Variants in CYP4A22 observed in about 807,000 individuals in gnomAD.
CYP4A22 encodes the protein cytochrome P450 family 4 subfamily A member 22.
In CYP4A22, 46 loss-of-function variants were observed where a neutral mutation model predicts 56.2. The observed-to-expected ratio is 0.82, with a 90% CI of 0.65 to 1.05. The LOEUF is 1.05. Among genes scored for constraint, CYP4A22 ranks in the 50% least tolerant of loss-of-function variants. The pLI is 0.00. For missense variants in CYP4A22, 541 were observed against 645.9 expected (o/e 0.84, Z 1.76); for synonymous variants, 193 against 251.1 (o/e 0.77, Z 2.19).
In CYP4A22 at chr1:47,142,185, A is replaced by G; in HGVS notation, c.460A>G (p.Ile154Val). 6.2e-7 allele frequency: 1 copy of G among 1,613,832 alleles called. No individual in the cohort carries two copies. Among genetic ancestry groups the G allele is most frequent in the Non-Finnish European group, 8.5e-7 (1 of 1,179,868 alleles). ...RMLTPAFHND[I>V]LKPYVGLMAD... ...GCTGACCCCAGCCTTCCACAATGAC[A>G]TCCTGAAGCCATACGTGGGGCTCAT... Residue 154 changes from isoleucine to valine, a missense_variant, in exon 4 of 12, where the codon ATC (isoleucine) becomes GTC (valine). Ile to Val is a conservative substitution (Grantham distance 29). This residue lies in a region of CYP4A22 where 335 missense variants were observed against 361.2 expected (regional missense o/e 0.93). Coordinates refer to ENST00000371891, the MANE Select transcript of CYP4A22 (RefSeq NM_001010969.4).
chr1:47,148,850 G>A lies in CYP4A22; in HGVS notation c.*53G>A, dbSNP rs1485715925. ...TGACCCCCACTCCTATCTCCTGCCT[G>A]TCTGCCTCTGTCCTGCTTTCTGTCT... On this transcript the variant is annotated 3_prime_UTR_variant, in exon 12 of 12. Transcript: ENST00000371891. 3.2e-6 allele frequency: 5 copies of A among 1,544,536 alleles called. No individual in the cohort carries two copies. The highest frequency in any genetic ancestry group is 4.4e-6 in the Non-Finnish European group (5 of 1,144,498).
At chr1:47,148,013 G>C (rs1021665622) in intron 11 of CYP4A22, among the ~76,000 whole-genome samples, 1 of 152,150 alleles carries the variant, frequency 6.6e-6, no homozygotes, top group Non-Finnish European at 1.5e-5. Flanking sequence ...GAGGAGTGAG[G>C]TTAGACAGGA....
rs1645108369 is a variant in CYP4A22, at chr1:47,149,417, T to C, written c.*620T>C. The C allele has an allele frequency of 1.3e-5, 2 of 152,848 alleles. No homozygotes were observed. The allele number at this position is 152,848 out of a possible 1,614,324, so 9.5% of individuals were successfully genotyped here. A position where few individuals can be genotyped will look rare whatever the true frequency, so the allele number is the denominator to read the frequency against. Reference sequence around the variant, plus strand: ...CATTCTCACCACCTGTTTCTTTGTTTGATCACCAATAAATAATCTGCACTT... The same window carrying C: ...CATTCTCACCACCTGTTTCTTTGTTCGATCACCAATAAATAATCTGCACTT... On this transcript the variant is annotated 3_prime_UTR_variant, in exon 12 of 12. Transcript: ENST00000371891.
chr1:47,138,061 C>T (rs1177250459), intron 1 of CYP4A22, among the ~76,000 whole-genome samples: 1 of 152,152 alleles, frequency 6.6e-6, no homozygotes, highest in Non-Finnish European at 1.5e-5. Flanking sequence ...CTGCCTGGCC[C>T]TGCATTTGCC....
intron 11 of CYP4A22, 27 bp from the exon 12 acceptor site, chr1:47,148,575 T>C (rs1376049204): frequency 2.5e-6 from 4 of 1,586,650 alleles, no homozygotes; most frequent in Non-Finnish European, 3.4e-6. Flanking sequence ...AGGACACGTC[T>C]CAATTCATTG....
At chr1:47,148,540 C>T in intron 11 of CYP4A22, 62 bp from the exon 12 acceptor site, 1 of 1,534,388 alleles carries the variant, frequency 6.5e-7, no homozygotes, top group Non-Finnish European at 8.8e-7. Context: ...GGGGCCAAAA[C>T]CTGCTCAGAT....
Position 47,149,186 on chromosome 1 carries a change from C to T in CYP4A22, c.*389C>T, listed in dbSNP as rs531992184. The T allele has an allele frequency of 2.4e-5, 4 of 167,452 alleles. No homozygotes were observed. The highest frequency in any genetic ancestry group is 3.5e-4 in the East Asian group (2 of 5,692). The allele number at this position is 167,452 out of a possible 1,614,324, so 10.4% of individuals were successfully genotyped here. ...CATAATCTAAGCCCGGGGCATAAAA[C>T]CCCTCGTGGCTTGGATAGAATCCAG... On this transcript the variant is annotated 3_prime_UTR_variant, in exon 12 of 12. Coordinates refer to ENST00000371891, the MANE Select transcript of CYP4A22 (RefSeq NM_001010969.4).
chr1:47,144,869 T>C lies in CYP4A22; in HGVS notation c.1121T>C (p.Met374Thr), dbSNP rs750042028. The C allele has an allele frequency of 1.9e-6, 3 of 1,613,992 alleles. No homozygotes were observed. In the East Asian group the frequency reaches 6.7e-5, roughly 36 times the overall value. ...NHLDQMPYTTMCIKEALRLYP... is the reference protein window; with the variant it reads ...NHLDQMPYTTTCIKEALRLYP... ...CTGGACCAGATGCCCTACACCACCA[T>C]GTGCATTAAGGAGGCACTGAGGCTC... The change falls in exon 9 of 12, where the codon ATG (methionine) becomes ACG (threonine). Residue 374 changes from methionine (M) to threonine (T), a missense_variant. Physicochemically the swap from Met to Thr is moderately conservative, Grantham distance 81 (BLOSUM62 -1). Transcript: ENST00000371891.
At chr1:47,143,673 T>C in intron 5 of CYP4A22, 89 bp from the exon 6 acceptor site, 1 of 1,497,734 alleles carries the variant, frequency 6.7e-7, no homozygotes, top group Non-Finnish European at 8.9e-7. Context: ...TTGTCCCCAT[T>C]ATCCGAGGCT....
chr1:47,147,304 T>C, intron 11 of CYP4A22: 1 of 985,476 alleles, frequency 1.0e-6, no homozygotes, highest in Non-Finnish European at 1.2e-6. Flanking sequence ...CTAAGCTCCA[T>C]TTCTAGCTCA....
Position 47,146,118 on chromosome 1 carries a change from C to G in CYP4A22, c.1329C>G (p.His443Gln), listed in dbSNP as rs147763791. 2.4e-5 allele frequency: 38 copies of G among 1,614,106 alleles called. No individual in the cohort carries two copies. The highest frequency in any genetic ancestry group is 4.2e-6 in the Non-Finnish European group (5 of 1,180,054). The change falls in exon 11 of 12, where the codon CAC becomes CAG. Residue 443 changes from histidine to glutamine, a missense_variant. Around this residue, in one of 3 missense-constraint regions of CYP4A22, gnomAD observed 204 missense variants for 258.9 expected, o/e 0.79. Coordinates refer to ENST00000371891, the MANE Select transcript of CYP4A22 (RefSeq NM_001010969.4). Reference protein sequence around the residue: ...PSRFAPGSAQHSHAFLPFSGG... With the variant: ...PSRFAPGSAQQSHAFLPFSGG... ...GTTTTGCACCGGGTTCTGCTCAACA[C>G]AGCCACGCTTTCCTGCCCTTCTCAG...
intron 3 of CYP4A22, 74 bp from the exon 4 acceptor site, chr1:47,142,033 CA>C (rs1209565252): frequency 6.5e-7 from 1 of 1,530,796 alleles, no homozygotes; most frequent in Non-Finnish European, 8.8e-7. Context: ...TTCTCCCTCC[CA>C]AATTGTCACC....
At chr1:47,140,481 C>T (rs558162428) in intron 1 of CYP4A22, among the ~76,000 whole-genome samples, 4 of 152,248 alleles carry the variant, frequency 2.6e-5, no homozygotes, top group East Asian at 1.9e-4. Flanking sequence ...TCAAGTAATA[C>T]GAGTTATGCA....
chr1:47,138,197 T>A (rs1183799511), intron 1 of CYP4A22, among the ~76,000 whole-genome samples: 1 of 152,152 alleles, frequency 6.6e-6, no homozygotes, highest in Non-Finnish European at 1.5e-5. Context: ...GGGGTGGATA[T>A]CTGAGGCAGA....
Position 47,140,890 on chromosome 1 carries a change from T to C in CYP4A22, c.306T>C (p.Pro102=). 6.2e-7 allele frequency: 1 copy of C among 1,614,144 alleles called. No individual in the cohort carries two copies. The highest frequency in any genetic ancestry group is 8.5e-7 in the Non-Finnish European group (1 of 1,180,010). Residue 102 remains proline (P), a synonymous_variant, in exon 2 of 12, where the codon CCT becomes CCC. Coordinates refer to ENST00000371891, the MANE Select transcript of CYP4A22 (RefSeq NM_001010969.4). ...AAGTTCGTGTCCAGCTCTATGACCC[T>C]GACTATATGAAGGTGATTCTGGGGA... ...GGKVRVQLYD[P]DYMKVILGRS...
chr1:47,142,358 G>T, intron 4 of CYP4A22, 123 bp downstream of exon 4: 2 of 1,403,312 alleles, frequency 1.4e-6, no homozygotes, highest in Non-Finnish European at 9.4e-7. Context: ...ACACTCTCAG[G>T]TCATTGCTGT....
chr1:47,137,844 G>A (rs1644961437), intron 1 of CYP4A22, among the ~76,000 whole-genome samples, 164 bp downstream of exon 1: 1 of 152,200 alleles, frequency 6.6e-6, no homozygotes, highest in East Asian at 1.9e-4. Flanking sequence ...GTCATGAGGA[G>A]CTCACTCCTC....
At position 47,148,761 on chromosome 1, in the gene CYP4A22, G is replaced by T; in HGVS notation, c.1524G>T (p.Arg508Ser). ...ATGGAATCCACCTGCGTCTCAGGAGGCTCCCTAACCCTTGTGAAGACAAGG... is the reference window on the plus strand; with the variant it reads ...ATGGAATCCACCTGCGTCTCAGGAGTCTCCCTAACCCTTGTGAAGACAAGG... ...SKNGIHLRLR[R>S]LPNPCEDKDQ... The change falls in exon 12 of 12, where the codon AGG (arginine) becomes AGT (serine). Residue 508 changes from arginine (R) to serine (S), a missense_variant. Arg to Ser is a moderately radical substitution (Grantham distance 110). Around this residue, in one of 3 missense-constraint regions of CYP4A22, gnomAD observed 204 missense variants for 258.9 expected, o/e 0.79. Transcript: ENST00000371891. The T allele has an allele frequency of 6.2e-7, 1 of 1,612,988 alleles. No homozygotes were observed. Among genetic ancestry groups the T allele is most frequent in the Non-Finnish European group, 8.5e-7 (1 of 1,179,386 alleles).
Position 47,143,904 on chromosome 1 carries a change from C to T in CYP4A22, c.778C>T (p.His260Tyr). 2.5e-6 allele frequency: 4 copies of T among 1,611,540 alleles called. No homozygotes were observed. In the South Asian group the frequency reaches 4.4e-5, roughly 18 times the overall value. ...RWTHRACQLA[H>Y]QHTDQVIQLR... Reference sequence around the variant, plus strand: ...GACACACCGCGCCTGCCAGCTGGCCCATCAGCACACAGGTTCTGTCTCTTC... The same window carrying T: ...GACACACCGCGCCTGCCAGCTGGCCTATCAGCACACAGGTTCTGTCTCTTC... The change falls in exon 6 of 12, where the codon CAT (histidine) becomes TAT (tyrosine). Residue 260 changes from histidine to tyrosine, a missense_variant. Around this residue, in one of 3 missense-constraint regions of CYP4A22, gnomAD observed 335 missense variants for 361.2 expected, o/e 0.93. Transcript: ENST00000371891.
Sources: gnomAD v4.1 joint callset for allele counts (sites outside exome capture counted in the v4.1 genomes callset) on GRCh38, gnomAD v4.1.1 for gene constraint, gnomAD v4.1.1 regional missense constraint, MANE v1.5 for transcripts, NCBI Gene and HGNC (gene_info 2026-07-23, HGNC 2026-07-21) for gene names.